Variants in TNNC2 observed in about 807,000 individuals in gnomAD.
TNNC2 encodes troponin C, skeletal muscle.
TNNC2 carries 14 observed loss-of-function variants against 20.0 expected under a neutral mutation model. The ratio of observed to expected loss-of-function variants is 0.70; its 90% confidence interval spans 0.46 to 1.09. TNNC2 has a LOEUF of 1.09. Ranked by LOEUF, TNNC2 falls within the 50% of genes least tolerant of loss-of-function variation. TNNC2 has a pLI of 0.00. For synonymous variants in TNNC2, 81 were observed against 77.3 expected (o/e 1.05, Z -0.25); for missense variants, 163 against 223.8 (o/e 0.73, Z 1.73).
At chr20:45,827,344 AG>A, upstream of TNNC2, 1 of 1,548,288 alleles carries the variant, frequency 6.5e-7, no homozygotes, top group Non-Finnish European at 8.9e-7. Flanking sequence ...CGGGATTTGT[AG>A]GGGCACCCTC....
At chr20:45,829,465 A>T (rs1212389993), upstream of TNNC2, among the ~76,000 whole-genome samples, 3 of 150,814 alleles carry the variant, frequency 2.0e-5, no homozygotes, top group Non-Finnish European at 4.4e-5. Context: ...CACCCGGCAA[A>T]TTTTTTACTT....
At position 45,823,237 on chromosome 20, in the gene TNNC2, C is replaced by A; in HGVS notation, c.*111G>T. 1.9e-6 allele frequency: 2 copies of A among 1,075,980 alleles called. No individual in the cohort carries two copies. Among genetic ancestry groups the A allele is most frequent in the Non-Finnish European group, 2.6e-6 (2 of 775,390 alleles). 66.7% of individuals were successfully genotyped at this position (1,075,980 alleles called of 1,614,324 possible). A position where few individuals can be genotyped will look rare whatever the true frequency, so the allele number is the denominator to read the frequency against. ...AGTTTTGGAACATTTGCTTTTATTC[C>A]TTCCAGACAAAGACCCACAAGGGGT... is the stretch of plus-strand genomic sequence containing the variant. On this transcript the variant is annotated 3_prime_UTR_variant, in exon 6 of 6. Transcript: ENST00000372555. The surrounding 1 kb of genome is among the most constrained non-coding windows in gnomAD (Gnocchi z 4.6).
At chr20:45,824,158 G>A in intron 4 of TNNC2, 31 bp from the exon 5 acceptor site, 1 of 1,609,678 alleles carries the variant, frequency 6.2e-7, no homozygotes, top group East Asian at 2.2e-5. Flanking sequence ...GCAGGGCTCA[G>A]GGCCGGGGCG....
intron 3 of TNNC2, 28 bp downstream of exon 3, chr20:45,824,467 C>A: frequency 1.9e-6 from 3 of 1,612,746 alleles, no homozygotes; most frequent in Non-Finnish European, 2.5e-6. Context: ...TCCCCACCAT[C>A]CCCTGCCTCC....
At chr20:45,829,006 ACT>A (rs1262548476), upstream of TNNC2, among the ~76,000 whole-genome samples, 1 of 151,510 alleles carries the variant, frequency 6.6e-6, no homozygotes, top group Non-Finnish European at 1.5e-5. Flanking sequence ...TTTGAGACAG[ACT>A]CTCACTCTGT....
rs746050749 is a variant in TNNC2 at position 45,824,533 on chromosome 20, T to C, written c.161A>G (p.Glu54Gly). Residue 54 changes from glutamate to glycine, a missense_variant, in exon 3 of 6, where the codon GAG (glutamate) becomes GGG (glycine). Glu to Gly is a moderately conservative substitution (Grantham distance 98). Transcript: ENST00000372555. ...MRMLGQTPTK[E>G]ELDAIIEEVD... ...CTCCTCGATGATGGCGTCCAGCTCC[T>C]CCTTGGTGGGTGTCTGGCCCAGCAT... 6.2e-7 allele frequency: 1 copy of C among 1,613,670 alleles called. No homozygotes were observed. Among genetic ancestry groups the C allele is most frequent in the Non-Finnish European group, 8.5e-7 (1 of 1,180,024 alleles).
At position 45,823,500 on chromosome 20, in the gene TNNC2, C is replaced by T. The variant is rs1365940126; in HGVS notation, c.452-121G>A. On this transcript the variant is annotated intron_variant, in intron 5 of 5. Coordinates refer to ENST00000372555, the MANE Select transcript of TNNC2 (RefSeq NM_003279.3). This position sits in a 1 kb window ranked among gnomAD's most constrained non-coding sequence, Gnocchi z 4.6. ...TTGTTTTTGTTGAGACAGAGTCTCA[C>T]TCTGTTGCCAAGGTCGCCAAGGTCT... 5.0e-6 allele frequency: 5 copies of T among 1,001,108 alleles called. No homozygotes were observed. Among genetic ancestry groups the T allele is most frequent in the African/African-American group, 1.6e-5 (1 of 61,360 alleles). The allele number at this position is 1,001,108 out of a possible 1,614,324, so 62.0% of individuals were successfully genotyped here.
chr20:45,826,732 A>G (rs1982981291), intron 1 of TNNC2, among the ~76,000 whole-genome samples: 1 of 152,158 alleles, frequency 6.6e-6, no homozygotes, highest in African/African-American at 2.4e-5. Context: ...TCTCTAGGAG[A>G]GCGGAGTCTC....
chr20:45,827,876 T>C (rs1354322542), upstream of TNNC2, among the ~76,000 whole-genome samples: 5 of 152,146 alleles, frequency 3.3e-5, no homozygotes, highest in Admixed American at 3.3e-4. Flanking sequence ...ATGTCCCGTC[T>C]TTGAACCATG....
At chr20:45,829,786 A>C (rs1360707916), upstream of TNNC2, among the ~76,000 whole-genome samples, 1 of 122,122 alleles carries the variant, frequency 8.2e-6, no homozygotes, top group African/African-American at 4.4e-5. Flanking sequence ...ACCCCGTCTC[A>C]AAAAAAAAAA....
In TNNC2 at chr20:45,824,049, C is replaced by A. The variant is rs1982882547; in HGVS notation, c.393G>T (p.Glu131Asp). 6.2e-7 allele frequency: 1 copy of A among 1,614,148 alleles called. No individual in the cohort carries two copies. The highest frequency in any genetic ancestry group is 8.5e-7 in the Non-Finnish European group (1 of 1,180,008). Residue 131 changes from glutamate (E) to aspartate (D), a missense_variant, in exon 5 of 6, where the codon GAG becomes GAT. By Grantham distance (45) the Glu-to-Asp change is conservative. Transcript: ENST00000372555. ...CGCCGTCTTTCATCAGAGATTCGAT[C>A]TCCTCGTCCGTCACGTGCTCCCCGG... The part of the protein sequence containing the change: ...RASGEHVTDE[E>D]IESLMKDGDK...
chr20:45,827,387 G>A, upstream of TNNC2: 2 of 1,110,510 alleles, frequency 1.8e-6, no homozygotes, highest in South Asian at 1.4e-5. Flanking sequence ...CAGCACTGGA[G>A]ACCCTGCCCA....
upstream of TNNC2, among the ~76,000 whole-genome samples, chr20:45,828,016 G>T (rs380397): frequency 0.67 from 102,154 of 151,958 alleles, 34,464 homozygotes; most frequent in Admixed American, 0.74. Flanking sequence ...AGGTAGCAAC[G>T]ATTATCCCCA....
At chr20:45,825,552 A>C (rs1982946221) in intron 1 of TNNC2, among the ~76,000 whole-genome samples, 1 of 152,088 alleles carries the variant, frequency 6.6e-6, no homozygotes. Flanking sequence ...TCGGCTTCCC[A>C]AAGTGCTGGG....
At chr20:45,825,138 C>T (rs1317371290) in intron 1 of TNNC2, among the ~76,000 whole-genome samples, 1 of 151,826 alleles carries the variant, frequency 6.6e-6, no homozygotes, top group Non-Finnish European at 1.5e-5. Flanking sequence ...ATACACCACG[C>T]CTAATTTTTA....
rs746513021 is a variant in TNNC2, at chr20:45,824,362, G to A, written c.244C>T (p.Arg82Cys). Residue 82 changes from arginine (R) to cysteine (C), a missense_variant, in exon 4 of 6, where the codon CGC becomes TGC. Coordinates refer to ENST00000372555, the MANE Select transcript of TNNC2 (RefSeq NM_003279.3). ...CCTTTCGCGTCCTCTTTCATCTGGC[G>A]CACCATCATGACCAAGAACTCCTCG... ...DFEEFLVMMV[R>C]QMKEDAKGKS... 4 of 1,610,906 alleles carry A rather than the reference G, an allele frequency of 2.5e-6. No individual in the cohort carries two copies. The Admixed American group carries it at 5.0e-5, about 20-fold the overall frequency.
intron 3 of TNNC2, 24 bp from the exon 4 acceptor site, chr20:45,824,430 G>C (rs1982903577): frequency 1.2e-6 from 2 of 1,611,036 alleles, no homozygotes; most frequent in Non-Finnish European, 8.5e-7. Context: ...GTGGCAGACT[G>C]AGCCTGAGCC....
At chr20:45,831,575 A>C (rs537362506), upstream of TNNC2, among the ~76,000 whole-genome samples, 1 of 152,252 alleles carries the variant, frequency 6.6e-6, no homozygotes, top group East Asian at 1.9e-4. Flanking sequence ...ATTGGACTCC[A>C]GCCTGGGTGA....
chr20:45,829,446 G>A (rs919406998), upstream of TNNC2, among the ~76,000 whole-genome samples: 3 of 151,788 alleles, frequency 2.0e-5, no homozygotes, highest in Non-Finnish European at 4.4e-5. Flanking sequence ...TTACAGGTGT[G>A]AGCTACCACA....
Sources: allele counts gnomAD v4.1 joint callset (sites outside exome capture counted in the v4.1 genomes callset), GRCh38; gene constraint gnomAD v4.1.1; non-coding constraint Gnocchi (gnomAD v3.1); transcripts MANE v1.5; gene names NCBI Gene and HGNC (gene_info 2026-07-23, HGNC 2026-07-21).